The following ZMAT3 variants were observed in gnomAD, a reference collection of about 807,000 sequenced individuals.
ZMAT3 encodes the protein zinc finger matrin-type 3, also known as zinc finger matrin-type protein 3.
A neutral mutation model predicts 32.3 loss-of-function variants in ZMAT3; 17 were observed. The ratio of observed to expected loss-of-function variants is 0.53; its 90% confidence interval spans 0.36 to 0.79. The LOEUF is 0.79. Among genes scored for constraint, ZMAT3 ranks in the 30% least tolerant of loss-of-function variants. The pLI, the probability that ZMAT3 is intolerant of heterozygous loss-of-function variation, is 0.00. For synonymous variants in ZMAT3, 120 were observed against 133.1 expected (o/e 0.90, Z 0.68); for missense variants, 329 against 359.7 (o/e 0.91, Z 0.69).
rs978059268 is a variant in ZMAT3, at chr3:179,022,250, T to C, written c.*2767A>G. Reference sequence around the variant, plus strand: ...AAGTCGGCTGCTTTTTCTACGTATATAATGAAATTGTTAAGTGGAGAGAGC... The same window carrying C: ...AAGTCGGCTGCTTTTTCTACGTATACAATGAAATTGTTAAGTGGAGAGAGC... On this transcript the variant is annotated 3_prime_UTR_variant, in exon 6 of 6. Coordinates refer to ENST00000311417, the MANE Select transcript of ZMAT3 (RefSeq NM_022470.4). 1 of 152,336 alleles carries C rather than the reference T, an allele frequency of 6.6e-6. No homozygotes were observed. The highest frequency in any genetic ancestry group is 6.5e-5 in the Admixed American group (1 of 15,296). The allele number at this position is 152,336 out of a possible 1,614,324, so 9.4% of individuals were successfully genotyped here. A position where few individuals can be genotyped will look rare whatever the true frequency, so the allele number is the denominator to read the frequency against.
intron 2 of ZMAT3, among the ~76,000 whole-genome samples, chr3:179,045,243 A>C (rs1720167582): frequency 6.6e-6 from 1 of 152,200 alleles, no homozygotes; most frequent in South Asian, 2.1e-4. Context: ...AAAGTGGCTC[A>C]AAAGAAGAGT....
intron 2 of ZMAT3, among the ~76,000 whole-genome samples, chr3:179,059,509 C>A (rs1721040057): frequency 6.6e-6 from 1 of 152,138 alleles, no homozygotes; most frequent in African/African-American, 2.4e-5. Flanking sequence ...AGAAATAAAC[C>A]CCTGCACTGC....
At chr3:179,072,050 C>G (rs1721755789), upstream of ZMAT3, 1 of 152,556 alleles carries the variant, frequency 6.6e-6, no homozygotes, top group African/African-American at 2.4e-5. Context: ...CCAATCTCAG[C>G]AGACAGCCCC....
At chr3:179,067,101 G>A (rs1721454027) in intron 2 of ZMAT3, among the ~76,000 whole-genome samples, 2 of 152,190 alleles carry the variant, frequency 1.3e-5, no homozygotes, top group African/African-American at 2.4e-5. Context: ...AATTGAGTTC[G>A]GTACATCATG....
rs180740374 is a variant in ZMAT3, at chr3:179,056,300, G to A, written c.270+11183C>T. ...TTTATAATAGAGATCAGGAGGAGCA[G>A]GCGAAACGGGACAAACGGGATAAAA... On this transcript the variant is annotated intron_variant, in intron 2 of 5. Coordinates refer to ENST00000311417, the MANE Select transcript of ZMAT3 (RefSeq NM_022470.4). 1.2e-3 allele frequency among the ~76,000 whole-genome samples: 181 copies of A among 151,818 alleles called. 1 individual carries two copies. The highest frequency in any genetic ancestry group is 4.0e-3 in the African/African-American group (164 of 41,420).
rs555209305 is a variant in ZMAT3, at chr3:179,018,075, A to G, written c.*6942T>C. The G allele has an allele frequency of 5.4e-4, 82 of 152,282 alleles. No homozygotes were observed. The highest frequency in any genetic ancestry group is 1.6e-3 in the African/African-American group (68 of 41,574). 9.4% of individuals were successfully genotyped at this position (152,282 alleles called of 1,614,324 possible). On this transcript the variant is annotated 3_prime_UTR_variant, in exon 6 of 6. Transcript: ENST00000311417. ...GGCAGAACAATGACCAGCCACTCCA[A>G]AAGAGTTTTGTTCCTATACATGCCA...
At chr3:179,052,074 T>C (rs1720596090) in intron 2 of ZMAT3, among the ~76,000 whole-genome samples, 1 of 152,122 alleles carries the variant, frequency 6.6e-6, no homozygotes, top group Non-Finnish European at 1.5e-5. Context: ...CCATAAAAAT[T>C]CTAGAACATT....
At chr3:179,039,160 T>G (rs1198869322) in intron 2 of ZMAT3, among the ~76,000 whole-genome samples, 2 of 152,226 alleles carry the variant, frequency 1.3e-5, no homozygotes, top group Non-Finnish European at 2.9e-5. Flanking sequence ...AGCAGACAAC[T>G]TCTGCAAAGT....
At chr3:179,045,582 C>A (rs1576857407) in intron 2 of ZMAT3, among the ~76,000 whole-genome samples, 1 of 151,994 alleles carries the variant, frequency 6.6e-6, no homozygotes, top group Non-Finnish European at 1.5e-5. Flanking sequence ...ATATAAAAAA[C>A]AACACTATAT....
At chr3:179,031,096 G>T in intron 2 of ZMAT3, 97 bp from the exon 3 acceptor site, 2 of 1,048,278 alleles carry the variant, frequency 1.9e-6, no homozygotes, top group Admixed American at 3.2e-5. Context: ...AAAATATTAA[G>T]ATATTTTGAG....
intron 2 of ZMAT3, among the ~76,000 whole-genome samples, chr3:179,059,655 C>G: frequency 6.6e-6 from 1 of 152,070 alleles, no homozygotes. Flanking sequence ...TACCATGGAC[C>G]CCTGGACCAG....
At chr3:179,062,443 A>G (rs1249119051) in intron 2 of ZMAT3, among the ~76,000 whole-genome samples, 1 of 152,208 alleles carries the variant, frequency 6.6e-6, no homozygotes, top group Non-Finnish European at 1.5e-5. Flanking sequence ...AATCCAGAAA[A>G]CAGGATGAGG....
chr3:179,067,223 T>C (rs928516147), intron 2 of ZMAT3, among the ~76,000 whole-genome samples: 7 of 152,226 alleles, frequency 4.6e-5, no homozygotes, highest in Admixed American at 1.3e-4. Flanking sequence ...GCATAGATCA[T>C]TTACATTTGC....
chr3:179,063,534 T>C lies in ZMAT3; in HGVS notation c.270+3949A>G, dbSNP rs559005920. Among the ~76,000 whole-genome samples the C allele has an allele frequency of 3.3e-5, 5 of 152,372 alleles. No individual in the cohort carries two copies. The South Asian group carries it at 1.0e-3, about 32-fold the overall frequency. ...AATGTACTTTGAGTAAGTAGATCTT[T>C]TTAAATATATACATGCAAATTAGCA... On this transcript the variant is annotated intron_variant, in intron 2 of 5. Transcript: ENST00000311417.
intron 2 of ZMAT3, among the ~76,000 whole-genome samples, chr3:179,042,146 T>C (rs1205744815): frequency 6.6e-6 from 1 of 152,194 alleles, no homozygotes; most frequent in Non-Finnish European, 1.5e-5. Context: ...AGCCGAATTC[T>C]ACCAGAGGTA....
chr3:179,043,334 C>G (rs1192367579), intron 2 of ZMAT3, among the ~76,000 whole-genome samples: 4 of 152,074 alleles, frequency 2.6e-5, no homozygotes, highest in Non-Finnish European at 4.4e-5. Flanking sequence ...ATACTACAAG[C>G]CTACAGTAAC....
At chr3:179,044,716 T>C (rs1490348260) in intron 2 of ZMAT3, among the ~76,000 whole-genome samples, 1 of 152,180 alleles carries the variant, frequency 6.6e-6, no homozygotes, top group Non-Finnish European at 1.5e-5. Flanking sequence ...AAGGATGAGT[T>C]CATGTCCTTT....
chr3:179,070,058 A>G (rs1374418090), intron 1 of ZMAT3, among the ~76,000 whole-genome samples: 2 of 152,226 alleles, frequency 1.3e-5, no homozygotes, highest in African/African-American at 2.4e-5. Context: ...ATAATGTTGA[A>G]AAGCTACTGA....
At chr3:179,032,716 C>T (rs865994860) in intron 2 of ZMAT3, among the ~76,000 whole-genome samples, 2 of 147,612 alleles carry the variant, frequency 1.4e-5, no homozygotes, top group Non-Finnish European at 3.0e-5. Flanking sequence ...AGGTGAGGAG[C>T]GTCTCTGACC....
Sources: allele counts gnomAD v4.1 joint callset (sites outside exome capture counted in the v4.1 genomes callset), GRCh38; gene constraint gnomAD v4.1.1; transcripts MANE v1.5; gene names NCBI Gene and HGNC (gene_info 2026-07-23, HGNC 2026-07-21).